ZNF513: variants seen among roughly 807,000 people sequenced by gnomAD.
The protein encoded by ZNF513 is zinc finger protein 513.
ZNF513 carries 16 observed loss-of-function variants against 39.7 expected under a neutral mutation model. That is an observed-to-expected ratio of 0.40 (90% confidence interval 0.27 to 0.61). The LOEUF (loss-of-function observed/expected upper bound fraction) is 0.61, where lower values mean the gene tolerates loss of function less well. Ranked by LOEUF, ZNF513 falls within the 20% of genes least tolerant of loss-of-function variation. ZNF513 has a pLI of 0.39. For missense variants in ZNF513, 699 were observed against 743.6 expected, an observed-to-expected ratio of 0.94 and a Z score of 0.70; for synonymous variants, 348 against 296.5, an observed-to-expected ratio of 1.17 and a Z score of -1.79.
In ZNF513 at chr2:27,377,516, G is replaced by A. The variant is rs148848066; in HGVS notation, c.*29C>T. 219 of 1,610,840 alleles carry A rather than the reference G, an allele frequency of 1.4e-4. 3 individuals carry two copies. The African/African-American group carries it at 1.9e-3, about 14-fold the overall frequency. On this transcript the variant is annotated 3_prime_UTR_variant, in exon 4 of 4. Transcript: ENST00000323703. The surrounding 1 kb of genome is among the most constrained non-coding windows in gnomAD (Gnocchi z 4.4). Reference sequence around the variant, plus strand: ...GAAAAAGGTGGCTTCTGGTCCGTCTGTATAAAACATGGGGAAGAAGGACCT... The same window carrying A: ...GAAAAAGGTGGCTTCTGGTCCGTCTATATAAAACATGGGGAAGAAGGACCT...
Position 27,377,368 on chromosome 2 carries a change from G to A in ZNF513, c.*177C>T. Reference sequence around the variant, plus strand: ...GTGAATACAGGGCCCTTCTCACTGAGCTCGTGAAGTGCCTCAGTCAAGGCA... The same window carrying A: ...GTGAATACAGGGCCCTTCTCACTGAACTCGTGAAGTGCCTCAGTCAAGGCA... On this transcript the variant is annotated 3_prime_UTR_variant, in exon 4 of 4. Coordinates refer to ENST00000323703, the MANE Select transcript of ZNF513 (RefSeq NM_144631.6). This position sits in a 1 kb window ranked among gnomAD's most constrained non-coding sequence, Gnocchi z 4.4. The A allele has an allele frequency of 1.4e-6, 1 of 736,902 alleles. No individual in the cohort carries two copies. The highest frequency in any genetic ancestry group is 2.4e-6 in the Non-Finnish European group (1 of 416,772). 45.6% of individuals were successfully genotyped at this position (736,902 alleles called of 1,614,324 possible). A position where few individuals can be genotyped will look rare whatever the true frequency, so the allele number is the denominator to read the frequency against.
At position 27,378,306 on chromosome 2, in the gene ZNF513, A is replaced by G. The variant is rs749286482; in HGVS notation, c.865T>C (p.Cys289Arg). The change falls in exon 4 of 4, where the codon TGT becomes CGT. Residue 289 changes from cysteine (C) to arginine (R), a missense_variant. Coordinates refer to ENST00000323703, the MANE Select transcript of ZNF513 (RefSeq NM_144631.6). The surrounding 1 kb of genome is among the most constrained non-coding windows in gnomAD (Gnocchi z 8.0). ...PPGGASFLPD[C>R]GQLRGEGEGL... Reference sequence around the variant, plus strand: ...TCCCCTTCACCCCGCAGCTGCCCACAGTCTGGCAGGAAACTGGCACCACCT... The same window carrying G: ...TCCCCTTCACCCCGCAGCTGCCCACGGTCTGGCAGGAAACTGGCACCACCT... The G allele has an allele frequency of 1.9e-6, 3 of 1,600,894 alleles. No homozygotes were observed. The highest frequency in any genetic ancestry group is 2.5e-6 in the Non-Finnish European group (3 of 1,179,960).
In ZNF513 at chr2:27,378,167, A is replaced by G. The variant is rs776682459; in HGVS notation, c.1004T>C (p.Met335Thr). The change falls in exon 4 of 4, where the codon ATG becomes ACG. Residue 335 changes from methionine (M) to threonine (T), a missense_variant. By Grantham distance (81) the Met-to-Thr change is moderately conservative (BLOSUM62 -1). This residue lies in a region of ZNF513 where 530 missense variants were observed against 499.3 expected (regional missense o/e 1.06). Transcript: ENST00000323703. The surrounding 1 kb of genome is among the most constrained non-coding windows in gnomAD (Gnocchi z 8.0). ...EGEGSRLGAA[M>T]CGRCMRGEAG... ...CTCTCCTCGCATGCAGCGCCCACACATGGCAGCTCCCAGCCGACTACCCTC... is the reference window on the plus strand; with the variant it reads ...CTCTCCTCGCATGCAGCGCCCACACGTGGCAGCTCCCAGCCGACTACCCTC... 82 of 1,612,828 alleles carry G rather than the reference A, an allele frequency of 5.1e-5. No individual in the cohort carries two copies. Among genetic ancestry groups the G allele is most frequent in the Middle Eastern group, 4.9e-4 (3 of 6,084 alleles).
At position 27,378,842 on chromosome 2, in the gene ZNF513, G is replaced by T. The variant is rs756624166; in HGVS notation, c.424C>A (p.Pro142Thr). 3.1e-6 allele frequency: 5 copies of T among 1,608,224 alleles called. No homozygotes were observed. Among genetic ancestry groups the T allele is most frequent in the African/African-American group, 2.7e-5 (2 of 74,790 alleles). ...CCGAGGPGGG[P>T]LLPPRLLYSC... is the part of the protein sequence containing the mutation. The stretch of plus-strand genomic sequence containing the variant: ...TACAGTAGCCGTGGGGGCAGCAGGG[G>T]CCCCCCACCCGGCCCTCCTGCCCCA... The change falls in exon 3 of 4, where the codon CCC (proline) becomes ACC (threonine). Residue 142 changes from proline (P) to threonine (T), a missense_variant. Pro to Thr is a conservative substitution (Grantham distance 38). Coordinates refer to ENST00000323703, the MANE Select transcript of ZNF513 (RefSeq NM_144631.6). The surrounding 1 kb of genome is among the most constrained non-coding windows in gnomAD (Gnocchi z 8.0).
chr2:27,378,448 G>C lies in ZNF513; in HGVS notation c.799+19C>G, dbSNP rs767673415. The C allele has an allele frequency of 6.2e-7, 1 of 1,613,922 alleles. No individual in the cohort carries two copies. The highest frequency in any genetic ancestry group is 1.1e-5 in the South Asian group (1 of 91,080). On this transcript the variant is annotated intron_variant, in intron 3 of 3. Transcript: ENST00000323703. The surrounding 1 kb of genome is among the most constrained non-coding windows in gnomAD (Gnocchi z 8.0). ...CAGCCACCCATGTCCCAAGATCTTT[G>C]GTCCCTGGTGTGTCTTACCTTCAGG...
rs926661838 is a variant in ZNF513, at chr2:27,377,685, G to A, written c.1486C>T (p.His496Tyr). Residue 496 changes from histidine (H) to tyrosine (Y), a missense_variant, in exon 4 of 4, where the codon CAC becomes TAC. This residue lies in a region of ZNF513 where 71 missense variants were observed against 64.1 expected (regional missense o/e 1.11). Transcript: ENST00000323703. The surrounding 1 kb of genome is among the most constrained non-coding windows in gnomAD (Gnocchi z 4.4). ...NYKRHQKVHG[H>Y]GGAGGPGLSA... is the part of the protein sequence containing the mutation. ...AGACCAGGCCCTCCTGCCCCACCGTGGCCATGCACCTTCTGGTGGCGCTTG... is the reference window on the plus strand; with the variant it reads ...AGACCAGGCCCTCCTGCCCCACCGTAGCCATGCACCTTCTGGTGGCGCTTG... The A allele has an allele frequency of 6.2e-7, 1 of 1,614,076 alleles. No individual in the cohort carries two copies. The highest frequency in any genetic ancestry group is 1.3e-5 in the African/African-American group (1 of 74,942).
At position 27,378,879 on chromosome 2, in the gene ZNF513, C is replaced by T. The variant is rs1271427505; in HGVS notation, c.387G>A (p.Glu129=). ...ACQLCGGPTG[E]GPCCGAGGPG... Reference sequence around the variant, plus strand: ...GCCCTCCTGCCCCACAACACGGCCCCTCACCTGTCGGCCCCCCACACAGCT... The same window carrying T: ...GCCCTCCTGCCCCACAACACGGCCCTTCACCTGTCGGCCCCCCACACAGCT... Residue 129 remains glutamate (E), a synonymous_variant, in exon 3 of 4, where the codon GAG becomes GAA. Coordinates refer to ENST00000323703, the MANE Select transcript of ZNF513 (RefSeq NM_144631.6). This position sits in a 1 kb window ranked among gnomAD's most constrained non-coding sequence, Gnocchi z 8.0. 1.2e-6 allele frequency: 2 copies of T among 1,603,336 alleles called. No homozygotes were observed. The highest frequency in any genetic ancestry group is 1.7e-6 in the Non-Finnish European group (2 of 1,175,026).
Position 27,380,715 on chromosome 2 carries a change from T to C in ZNF513, c.-189A>G, listed in dbSNP as rs1683583370. 9.6e-7 allele frequency: 1 copy of C among 1,037,424 alleles called. No individual in the cohort carries two copies. The highest frequency in any genetic ancestry group is 1.2e-6 in the Non-Finnish European group (1 of 811,256). 64.3% of individuals were successfully genotyped at this position (1,037,424 alleles called of 1,614,324 possible). On this transcript the variant is annotated 5_prime_UTR_variant, in exon 1 of 4. Transcript: ENST00000323703. The stretch of plus-strand genomic sequence containing the variant: ...AGGCCGCTCCCGCCGCCGCCGCCGC[T>C]TCCATTCATGGAGCCCCCTACCCCC...
At position 27,378,754 on chromosome 2, in the gene ZNF513, G is replaced by A. The variant is rs372185159; in HGVS notation, c.512C>T (p.Thr171Ile). 9.9e-6 allele frequency: 16 copies of A among 1,613,944 alleles called. No homozygotes were observed. Among genetic ancestry groups the A allele is most frequent in the Non-Finnish European group, 1.4e-5 (16 of 1,179,972 alleles). The change falls in exon 3 of 4, where the codon ACA (threonine) becomes ATA (isoleucine). Residue 171 changes from threonine to isoleucine, a missense_variant. Thr to Ile is a moderately conservative substitution (Grantham distance 89, BLOSUM62 -1). Transcript: ENST00000323703. This position sits in a 1 kb window ranked among gnomAD's most constrained non-coding sequence, Gnocchi z 8.0. ...GCGGAACGGCTTCTCTCCGCTGTGT[G>A]TCTGCATGTGCCGCTTCAGGTGGCT... is the stretch of plus-strand genomic sequence containing the variant. ...YSSHLKRHMQTHSGEKPFRCG... is the reference protein window; with the variant it reads ...YSSHLKRHMQIHSGEKPFRCG...
At position 27,380,648 on chromosome 2, in the gene ZNF513, G is replaced by GGGCCCTGGGCAGCCCCC. The variant is rs965412726; in HGVS notation, c.-139_-123dup. The GGGCCCTGGGCAGCCCCC allele has an allele frequency of 6.6e-6, 9 of 1,365,800 alleles. No homozygotes were observed. The highest frequency in any genetic ancestry group is 8.5e-6 in the Non-Finnish European group (9 of 1,063,548). The allele number at this position is 1,365,800 out of a possible 1,614,324, so 84.6% of individuals were successfully genotyped here. On this transcript the variant is annotated 5_prime_UTR_variant, in exon 1 of 4. It removes the in-frame stop codon of an upstream open reading frame in the 5' UTR. Transcript: ENST00000323703. The stretch of plus-strand genomic sequence containing the variant: ...GCGGGCCGCCCCCATGCAGCGGCGC[G>GGGCCCTGGGCAGCCCCC]GGCCCTGGGCAGCCCCCGGCCCTGG...
Position 27,380,591 on chromosome 2 carries a change from G to C in ZNF513, c.-65C>G. The C allele has an allele frequency of 1.3e-6, 2 of 1,538,002 alleles. No individual in the cohort carries two copies. The highest frequency in any genetic ancestry group is 1.8e-6 in the Non-Finnish European group (2 of 1,138,918). ...CGCCCGACCCCGCCCCTCCTATCTC[G>C]GCCCGCCTGTCTGCCCTTCCTCTCA... On this transcript the variant is annotated 5_prime_UTR_variant, in exon 1 of 4. Transcript: ENST00000323703.
At position 27,378,846 on chromosome 2, in the gene ZNF513, C is replaced by T; in HGVS notation, c.420G>A (p.Gly140=). 6.2e-7 allele frequency: 1 copy of T among 1,606,472 alleles called. No individual in the cohort carries two copies. Among genetic ancestry groups the T allele is most frequent in the African/African-American group, 1.3e-5 (1 of 74,880 alleles). ...GTAGCCGTGGGGGCAGCAGGGGCCC[C>T]CCACCCGGCCCTCCTGCCCCACAAC... ...GPCCGAGGPG[G]GPLLPPRLLY... is the part of the protein sequence containing the mutation. Residue 140 remains glycine, a synonymous_variant, in exon 3 of 4, where the codon GGG becomes GGA. Transcript: ENST00000323703. This position sits in a 1 kb window ranked among gnomAD's most constrained non-coding sequence, Gnocchi z 8.0.
At chr2:27,379,993 C>T in intron 2 of ZNF513, 100 bp downstream of exon 2, 3 of 1,499,366 alleles carry the variant, frequency 2.0e-6, no homozygotes, top group East Asian at 2.3e-5. Context: ...AACCAGCCCT[C>T]GGTTGTGGCA....
In ZNF513 at chr2:27,378,392, G is replaced by A; in HGVS notation, c.800-21C>T. 2 of 1,608,456 alleles carry A rather than the reference G, an allele frequency of 1.2e-6. No homozygotes were observed. Among genetic ancestry groups the A allele is most frequent in the East Asian group, 2.2e-5 (1 of 44,882 alleles). ...AGCATCTGTGGGGACAAAGACCTGGGCTATGAATCCAATCCAAGCATTCCT... is the reference window on the plus strand; with the variant it reads ...AGCATCTGTGGGGACAAAGACCTGGACTATGAATCCAATCCAAGCATTCCT... On this transcript the variant is annotated intron_variant, in intron 3 of 3. Coordinates refer to ENST00000323703, the MANE Select transcript of ZNF513 (RefSeq NM_144631.6). This position sits in a 1 kb window ranked among gnomAD's most constrained non-coding sequence, Gnocchi z 8.0.
Position 27,377,737 on chromosome 2 carries a change from G to C in ZNF513, c.1434C>G (p.Ala478=), listed in dbSNP as rs1468017816. 3.7e-6 allele frequency: 6 copies of C among 1,614,258 alleles called. No homozygotes were observed. In the South Asian group the frequency reaches 6.6e-5, roughly 18 times the overall value. Residue 478 remains alanine (A), a synonymous_variant, in exon 4 of 4, where the codon GCC becomes GCG. Coordinates refer to ENST00000323703, the MANE Select transcript of ZNF513 (RefSeq NM_144631.6). The surrounding 1 kb of genome is among the most constrained non-coding windows in gnomAD (Gnocchi z 4.4). ...GEKPFRCATC[A]YTTGHWDNYK... ...AGTTGTCCCAGTGGCCCGTGGTATA[G>C]GCGCAGGTGGCACAGCGGAAGGGCT...
chr2:27,378,207 C>G lies in ZNF513; in HGVS notation c.964G>C (p.Glu322Gln). The G allele has an allele frequency of 6.2e-7, 1 of 1,608,378 alleles. No homozygotes were observed. The highest frequency in any genetic ancestry group is 8.5e-7 in the Non-Finnish European group (1 of 1,179,938). The change falls in exon 4 of 4, where the codon GAG becomes CAG. Residue 322 changes from glutamate to glutamine, a missense_variant. Glu to Gln is a conservative substitution (Grantham distance 29). Around this residue, in one of 3 missense-constraint regions of ZNF513, gnomAD observed 530 missense variants for 499.3 expected, o/e 1.06. Coordinates refer to ENST00000323703, the MANE Select transcript of ZNF513 (RefSeq NM_144631.6). The surrounding 1 kb of genome is among the most constrained non-coding windows in gnomAD (Gnocchi z 8.0). Reference protein sequence around the residue: ...FPWTCRGCGQELEEGEGSRLG... With the variant: ...FPWTCRGCGQQLEEGEGSRLG... ...CGACTACCCTCACCCTCCTCCAGCT[C>G]TTGTCCACAGCCCCGGCAGGTCCAA... is the stretch of plus-strand genomic sequence containing the variant.
rs2148412800 is a variant in ZNF513, at chr2:27,378,430, C to T, written c.799+37G>A. 6.2e-7 allele frequency: 1 copy of T among 1,613,428 alleles called. No individual in the cohort carries two copies. The highest frequency in any genetic ancestry group is 1.7e-5 in the Admixed American group (1 of 60,028). On this transcript the variant is annotated intron_variant, in intron 3 of 3. Coordinates refer to ENST00000323703, the MANE Select transcript of ZNF513 (RefSeq NM_144631.6). This position sits in a 1 kb window ranked among gnomAD's most constrained non-coding sequence, Gnocchi z 8.0. ...TCCAAGCATTCCTAGGGTCAGCCACCCATGTCCCAAGATCTTTGGTCCCTG... is the reference window on the plus strand; with the variant it reads ...TCCAAGCATTCCTAGGGTCAGCCACTCATGTCCCAAGATCTTTGGTCCCTG...
chr2:27,380,262 G>A lies in ZNF513; in HGVS notation c.56-14C>T, dbSNP rs757886106. The A allele has an allele frequency of 1.2e-6, 2 of 1,613,808 alleles. No individual in the cohort carries two copies. Among genetic ancestry groups the A allele is most frequent in the Admixed American group, 3.3e-5 (2 of 59,982 alleles). On this transcript the variant is annotated splice_polypyrimidine_tract_variant and intron_variant, in intron 1 of 3. Transcript: ENST00000323703. ...CTTCAGTATCCACTGAAGAGGGGAG[G>A]GGGCTTGTGGATTCTCCCTCAGGAA...
At position 27,378,926 on chromosome 2, in the gene ZNF513, C is replaced by T. The variant is rs762619494; in HGVS notation, c.340G>A (p.Glu114Lys). Residue 114 changes from glutamate to lysine, a missense_variant, in exon 3 of 4, where the codon GAG becomes AAG. This residue lies in a region of ZNF513 where 530 missense variants were observed against 499.3 expected (regional missense o/e 1.06). Transcript: ENST00000323703. This position sits in a 1 kb window ranked among gnomAD's most constrained non-coding sequence, Gnocchi z 8.0. ...AGCTGGCAGGCTGGGCCTGGCCTCT[C>T]ACCCCTGGCCTCCCCTGGACCCCTG... ...PARGPGEARG[E>K]RPGPACQLCG... The T allele has an allele frequency of 6.2e-7, 1 of 1,608,268 alleles. No individual in the cohort carries two copies. The highest frequency in any genetic ancestry group is 1.1e-5 in the South Asian group (1 of 90,626).
Sources: gnomAD v4.1 joint callset for allele counts on GRCh38, gnomAD v4.1.1 for gene constraint, gnomAD v4.1.1 regional missense constraint, Gnocchi (gnomAD v3.1) non-coding constraint, MANE v1.5 for transcripts, NCBI Gene and HGNC (gene_info 2026-07-23, HGNC 2026-07-21) for gene names.